Variants in MTMR1 observed in about 807,000 individuals in gnomAD.
MTMR1 encodes the protein myotubularin related protein 1, also known as phosphatidylinositol-3-phosphate phosphatase MTMR1.
A neutral mutation model predicts 51.6 loss-of-function variants in MTMR1; 17 were observed. The observed-to-expected ratio is 0.33, with a 90% CI of 0.23 to 0.49. MTMR1 has a LOEUF of 0.49. Among genes scored for constraint, MTMR1 ranks in the 20% least tolerant of loss-of-function variants. MTMR1 has a pLI of 0.99. For synonymous variants in MTMR1, 201 were observed against 205.6 expected (o/e 0.98, Z 0.19); for missense variants, 386 against 526.9 (o/e 0.73, Z 2.62).
chrX:150,725,578 A>G (rs1050003087), intron 4 of MTMR1, among the ~76,000 whole-genome samples: 19 of 111,757 alleles, frequency 1.7e-4, no homozygotes, highest in Non-Finnish European at 3.4e-4. Context: ...TTACATCTTT[A>G]TGTCTACCTT....
chrX:150,718,326 T>C (rs1255504669), intron 3 of MTMR1, among the ~76,000 whole-genome samples: 1 of 112,394 alleles, frequency 8.9e-6, no homozygotes, highest in African/African-American at 3.2e-5. Context: ...TTTTAATAGC[T>C]ATCTGTGTAG....
chrX:150,693,668 C>T lies in MTMR1; in HGVS notation c.138C>T (p.Thr46=). The change falls in exon 1 of 16, where the codon ACC becomes ACT. Residue 46 remains threonine, a synonymous_variant. Coordinates refer to ENST00000445323, the MANE Select transcript of MTMR1 (RefSeq NM_001306144.3). ...GCTCCCGGCAGCCCAGCGTGGAGAC[C>T]CTGGACAGGTAAGCGGGGCCCGGGC... ...TAGSRQPSVE[T]LDSPTGSHVE... 1 of 757,396 alleles carries T rather than the reference C, an allele frequency of 1.3e-6. No homozygotes were observed. The highest frequency in any genetic ancestry group is 1.6e-6 in the Non-Finnish European group (1 of 642,093). The allele number at this position is 757,396 out of a possible 1,213,427, so 62.4% of individuals were successfully genotyped here. A position where few individuals can be genotyped will look rare whatever the true frequency, so the allele number is the denominator to read the frequency against.
At position 150,744,337 on chromosome X, in the gene MTMR1, G is replaced by A. The variant is rs782796187; in HGVS notation, c.1474-24G>A. The A allele has an allele frequency of 4.2e-5, 50 of 1,180,791 alleles. No homozygotes were observed. In the East Asian group the frequency reaches 1.4e-3, roughly 33 times the overall value. On this transcript the variant is annotated intron_variant, in intron 12 of 15. Coordinates refer to ENST00000445323, the MANE Select transcript of MTMR1 (RefSeq NM_001306144.3). Reference sequence around the variant, plus strand: ...AGAGGACTATAACATACGTTAAAACGTTTAACCTTCTGTTTCTGTTCAGCG... The same window carrying A: ...AGAGGACTATAACATACGTTAAAACATTTAACCTTCTGTTTCTGTTCAGCG...
At chrX:150,700,673 T>C (rs1448608395) in intron 2 of MTMR1, among the ~76,000 whole-genome samples, 1 of 112,621 alleles carries the variant, frequency 8.9e-6, no homozygotes, top group African/African-American at 3.2e-5. Context: ...AGTTGCCCTA[T>C]TGCCTGCACC....
At chrX:150,746,522 A>G (rs1439478916) in intron 13 of MTMR1, among the ~76,000 whole-genome samples, 2 of 112,812 alleles carry the variant, frequency 1.8e-5, no homozygotes, top group African/African-American at 3.2e-5. Context: ...AGAAAGTATG[A>G]AACACATTTT....
At chrX:150,762,432 A>AACGCCTC (rs2043170193) in intron 15 of MTMR1, 133 bp from the exon 16 acceptor site, 1 of 823,903 alleles carries the variant, frequency 1.2e-6, no homozygotes, top group South Asian at 2.4e-5. Context: ...GAGATCGGTC[A>AACGCCTC]ACGCCTCAGG....
In MTMR1 at chrX:150,693,478, C is replaced by T; in HGVS notation, c.-53C>T. 1 of 762,309 alleles carries T rather than the reference C, an allele frequency of 1.3e-6. No individual in the cohort carries two copies. 62.8% of individuals were successfully genotyped at this position (762,309 alleles called of 1,213,427 possible). On this transcript the variant is annotated 5_prime_UTR_variant, in exon 1 of 16. Transcript: ENST00000445323. Reference sequence around the variant, plus strand: ...AGGCAAGCAGCGAAACCTTCCCGGCCGCCGCTCCCGTCCCGACGGCGGCTT... The same window carrying T: ...AGGCAAGCAGCGAAACCTTCCCGGCTGCCGCTCCCGTCCCGACGGCGGCTT...
intron 9 of MTMR1, 93 bp from the exon 10 acceptor site, chrX:150,732,449 C>A: frequency 1.2e-6 from 1 of 812,018 alleles, no homozygotes; most frequent in Non-Finnish European, 1.7e-6. Context: ...TATAAGAGAC[C>A]GTGCTTGAGA....
chrX:150,761,193 G>C (rs1270580688), intron 15 of MTMR1, among the ~76,000 whole-genome samples: 1 of 111,358 alleles, frequency 9.0e-6, no homozygotes, highest in East Asian at 2.8e-4. Flanking sequence ...TGGGTCCTAA[G>C]GGTAAGAGAG....
rs374320446 is a variant in MTMR1, at chrX:150,722,025, C to T, written c.352+3325C>T. On this transcript the variant is annotated intron_variant, in intron 4 of 15. Coordinates refer to ENST00000445323, the MANE Select transcript of MTMR1 (RefSeq NM_001306144.3). Reference sequence around the variant, plus strand: ...ACCCTTGAGTTATTTAGGAGTGTGTCGTTTAATTTCCATATATTTGTGAAT... The same window carrying T: ...ACCCTTGAGTTATTTAGGAGTGTGTTGTTTAATTTCCATATATTTGTGAAT... Among the ~76,000 whole-genome samples, 21 of 111,678 alleles carry T rather than the reference C, an allele frequency of 1.9e-4. No homozygotes were observed. The East Asian group carries it at 5.3e-3, about 28-fold the overall frequency.
intron 15 of MTMR1, among the ~76,000 whole-genome samples, chrX:150,761,357 C>T: frequency 8.9e-6 from 1 of 112,149 alleles, no homozygotes; most frequent in Non-Finnish European, 1.9e-5. Flanking sequence ...TTAGAGGGAC[C>T]TGGCTGCCCC....
intron 15 of MTMR1, among the ~76,000 whole-genome samples, chrX:150,760,990 G>C (rs1239099348): frequency 9.1e-6 from 1 of 110,467 alleles, no homozygotes; most frequent in Admixed American, 9.6e-5. Context: ...CAAACAGCTG[G>C]TGAAGAGATG....
At chrX:150,760,743 G>C (rs1217814858) in intron 15 of MTMR1, among the ~76,000 whole-genome samples, 1 of 111,020 alleles carries the variant, frequency 9.0e-6, no homozygotes, top group Non-Finnish European at 1.9e-5. Flanking sequence ...GGCCAACATA[G>C]TGAAACCTCA....
At chrX:150,708,433 T>C (rs2041192133) in intron 2 of MTMR1, among the ~76,000 whole-genome samples, 1 of 111,668 alleles carries the variant, frequency 9.0e-6, no homozygotes, top group African/African-American at 3.3e-5. Flanking sequence ...TTAACTATTG[T>C]GTTTCTTATG....
intron 6 of MTMR1, among the ~76,000 whole-genome samples, chrX:150,728,649 G>T (rs782730316): frequency 1.4e-4 from 15 of 110,804 alleles, no homozygotes; most frequent in Non-Finnish European, 2.6e-4. Flanking sequence ...AGTCATGTAG[G>T]ACCCACTCCT....
chrX:150,693,643 G>T lies in MTMR1; in HGVS notation c.113G>T (p.Gly38Val). Reference sequence around the variant, plus strand: ...CGGGCCGCGGGGGGCGCCACCGCCGGCTCCCGGCAGCCCAGCGTGGAGACC... The same window carrying T: ...CGGGCCGCGGGGGGCGCCACCGCCGTCTCCCGGCAGCCCAGCGTGGAGACC... ...PPRAAGGATA[G>V]SRQPSVETLD... The change falls in exon 1 of 16, where the codon GGC (glycine) becomes GTC (valine). Residue 38 changes from glycine (G) to valine (V), a missense_variant. Gly to Val is a moderately radical substitution (Grantham distance 109). Transcript: ENST00000445323. The T allele has an allele frequency of 1.3e-6, 1 of 756,832 alleles. No homozygotes were observed. Among genetic ancestry groups the T allele is most frequent in the Non-Finnish European group, 1.6e-6 (1 of 641,889 alleles). 62.4% of individuals were successfully genotyped at this position (756,832 alleles called of 1,213,427 possible).
intron 3 of MTMR1, 109 bp from the exon 4 acceptor site, chrX:150,718,516 G>T: frequency 1.0e-6 from 1 of 976,452 alleles, no homozygotes. Context: ...TAGCCTTATA[G>T]TGACATCACA....
At chrX:150,732,182 ATTATTG>A (rs1320676409) in intron 9 of MTMR1, among the ~76,000 whole-genome samples, 1 of 112,142 alleles carries the variant, frequency 8.9e-6, no homozygotes, top group Non-Finnish European at 1.9e-5. Context: ...TGCCACGTAT[ATTATTG>A]TTGAGATACA....
intron 6 of MTMR1, among the ~76,000 whole-genome samples, chrX:150,729,860 A>C (rs2042056760): frequency 9.0e-6 from 1 of 111,361 alleles, no homozygotes; most frequent in African/African-American, 3.3e-5. Flanking sequence ...CTCTACTAAA[A>C]ATGCAAAAAT....
Sources: gnomAD v4.1 joint callset for allele counts (sites outside exome capture counted in the v4.1 genomes callset) on GRCh38, gnomAD v4.1.1 for gene constraint, MANE v1.5 for transcripts, NCBI Gene and HGNC (gene_info 2026-07-23, HGNC 2026-07-21) for gene names.